CBLB: variants seen among roughly 807,000 people sequenced by gnomAD.
CBLB encodes E3 ubiquitin-protein ligase CBL-B.
In CBLB, 31 loss-of-function variants were observed where a neutral mutation model predicts 104.9. The ratio of observed to expected loss-of-function variants is 0.30; its 90% CI spans 0.22 to 0.40. The LOEUF is 0.40. Among genes scored for constraint, CBLB ranks in the 10% least tolerant of loss-of-function variants. The probability of loss-of-function intolerance (pLI) is 1.00; values close to 1 mark genes in which losing one functional copy is unlikely to be tolerated. For missense variants in CBLB, 1,062 were observed against 1,214.6 expected (o/e 0.87, Z 1.87); for synonymous variants, 440 against 422.6 (o/e 1.04, Z -0.51).
chr3:105,770,644 G>A (rs975890185), intron 4 of CBLB, among the ~76,000 whole-genome samples: 1 of 152,162 alleles, frequency 6.6e-6, no homozygotes, highest in African/African-American at 2.4e-5. Context: ...GCTGCAGACA[G>A]GAGCATAGGA....
rs2090624972 is a variant in CBLB, at chr3:105,849,049, A to T, written c.419+4365T>A. On this transcript the variant is annotated intron_variant, in intron 3 of 18. Transcript: ENST00000394030. ...ATGAGGCCACTCTGTAAATGAAAAC[A>T]TGCTAAGAAGACTCTTCTGTGTTCT... Among the ~76,000 whole-genome samples the T allele has an allele frequency of 2.0e-5, 3 of 152,188 alleles. No individual in the cohort carries two copies. In the South Asian group the frequency reaches 6.2e-4, roughly 31 times the overall value.
chr3:105,778,747 C>T (rs1045409182), intron 3 of CBLB, among the ~76,000 whole-genome samples: 9 of 152,036 alleles, frequency 5.9e-5, no homozygotes, highest in Non-Finnish European at 1.2e-4. Context: ...ACAACTCATC[C>T]TAATCCAAGT....
At chr3:105,861,882 T>C (rs755187463) in intron 2 of CBLB, among the ~76,000 whole-genome samples, 1 of 152,162 alleles carries the variant, frequency 6.6e-6, no homozygotes, top group Non-Finnish European at 1.5e-5. Flanking sequence ...AGGTCAATAA[T>C]GGCCTCTAAT....
At chr3:105,741,076 T>C (rs910680993) in intron 6 of CBLB, among the ~76,000 whole-genome samples, 4 of 147,856 alleles carry the variant, frequency 2.7e-5, no homozygotes, top group Admixed American at 2.0e-4. Flanking sequence ...TCCTTTGTAA[T>C]TTAGACATAA....
At chr3:105,739,706 T>C (rs1033670630) in intron 7 of CBLB, among the ~76,000 whole-genome samples, 1 of 152,086 alleles carries the variant, frequency 6.6e-6, no homozygotes, top group Non-Finnish European at 1.5e-5. Flanking sequence ...ATGGAGTTAT[T>C]ATTAGTGTGA....
At chr3:105,841,463 T>C (rs1442206727) in intron 3 of CBLB, among the ~76,000 whole-genome samples, 2 of 151,816 alleles carry the variant, frequency 1.3e-5, no homozygotes, top group Non-Finnish European at 2.9e-5. Context: ...GATATATATA[T>C]ATTTTTTGAG....
chr3:105,756,651 A>G (rs544281946), intron 4 of CBLB, among the ~76,000 whole-genome samples: 211 of 152,340 alleles, frequency 1.4e-3, no homozygotes, highest in Non-Finnish European at 2.6e-3. Context: ...AGAACAAAAA[A>G]GGTAATCTTC....
rs528664540 is a variant in CBLB, at chr3:105,741,728, C to G, written c.846-1097G>C. ...GTATTTTTAATAGAGACCACGTTAG[C>G]CAGGATGGTCTCGATATCCTGACCT... On this transcript the variant is annotated intron_variant, in intron 6 of 18. Transcript: ENST00000394030. Among the ~76,000 whole-genome samples, 143 of 151,998 alleles carry G rather than the reference C, an allele frequency of 9.4e-4. 1 individual carries two copies. The highest frequency in any genetic ancestry group is 3.4e-3 in the African/African-American group (142 of 41,462).
chr3:105,675,264 TCA>T (rs2065473833), intron 17 of CBLB, among the ~76,000 whole-genome samples: 1 of 152,202 alleles, frequency 6.6e-6, no homozygotes, highest in Admixed American at 6.5e-5. Context: ...GGTAAAATGC[TCA>T]CAGAGTTTGT....
intron 2 of CBLB, among the ~76,000 whole-genome samples, chr3:105,863,928 A>T (rs2092275862): frequency 6.6e-6 from 1 of 152,170 alleles, no homozygotes; most frequent in South Asian, 2.1e-4. Context: ...TTAGATGGAA[A>T]ATTGTTTCTT....
At chr3:105,731,672 C>G (rs942889286) in intron 9 of CBLB, among the ~76,000 whole-genome samples, 7 of 152,080 alleles carry the variant, frequency 4.6e-5, no homozygotes, top group Non-Finnish European at 8.8e-5. Context: ...AGGCTGTTCT[C>G]GAACTCCTGG....
intron 3 of CBLB, among the ~76,000 whole-genome samples, chr3:105,790,699 G>C (rs2081531360): frequency 6.6e-6 from 1 of 152,168 alleles, no homozygotes; most frequent in South Asian, 2.1e-4. Context: ...ACTAAAGAGA[G>C]GTGTTCAACT....
intron 10 of CBLB, among the ~76,000 whole-genome samples, chr3:105,708,358 T>C (rs1464936503): frequency 1.3e-5 from 2 of 152,072 alleles, no homozygotes; most frequent in Admixed American, 6.6e-5. Context: ...ACTACTTCCA[T>C]TGTGTATAAA....
chr3:105,780,472 C>G (rs2080057941), intron 3 of CBLB, among the ~76,000 whole-genome samples: 1 of 152,052 alleles, frequency 6.6e-6, no homozygotes, highest in Admixed American at 6.5e-5. Flanking sequence ...AAAGAAAAGA[C>G]TCAATAATCT....
chr3:105,738,445 T>C (rs16851549), intron 7 of CBLB, among the ~76,000 whole-genome samples: 2,707 of 152,086 alleles, frequency 0.018, 41 homozygotes, highest in Middle Eastern at 0.074. Context: ...GTTACAAAAT[T>C]TGACAAACAT....
intron 3 of CBLB, among the ~76,000 whole-genome samples, chr3:105,797,155 T>G (rs560968557): frequency 6.6e-6 from 1 of 152,326 alleles, no homozygotes; most frequent in Non-Finnish European, 1.5e-5. Context: ...TGCAGCATTA[T>G]TCACAATAGC....
chr3:105,800,811 AG>A lies in CBLB; in HGVS notation c.420-24270del, dbSNP rs548290456. Among the ~76,000 whole-genome samples the A allele has an allele frequency of 4.2e-3, 637 of 152,320 alleles. 1 individual carries two copies. Among genetic ancestry groups the A allele is most frequent in the Non-Finnish European group, 6.8e-3 (462 of 68,024 alleles). On this transcript the variant is annotated intron_variant, in intron 3 of 18. Transcript: ENST00000394030. ...TAGTAAATTACCACAGGAAGAAAGAAGGAACAAAGTGAAAAGACATACATAT... is the reference window on the plus strand; with the variant it reads ...TAGTAAATTACCACAGGAAGAAAGAAGAACAAAGTGAAAAGACATACATAT...
chr3:105,804,890 G>C (rs913396629), intron 3 of CBLB, among the ~76,000 whole-genome samples: 2 of 152,026 alleles, frequency 1.3e-5, no homozygotes, highest in African/African-American at 4.8e-5. Context: ...CACAGTGGGA[G>C]AGTATCCCAT....
rs763048686 is a variant in CBLB, at chr3:105,773,413, A to C, written c.566+2983T>G. Among the ~76,000 whole-genome samples the C allele has an allele frequency of 3.3e-5, 5 of 152,264 alleles. No individual in the cohort carries two copies. In the South Asian group the frequency reaches 6.2e-4, roughly 19 times the overall value. On this transcript the variant is annotated intron_variant, in intron 4 of 18. Coordinates refer to ENST00000394030, the MANE Select transcript of CBLB (RefSeq NM_170662.5). Reference sequence around the variant, plus strand: ...GAAGGGTGAGAGAGGGGTAAGGGATAAAAGACTACACTACATATTAGGTAC... The same window carrying C: ...GAAGGGTGAGAGAGGGGTAAGGGATCAAAGACTACACTACATATTAGGTAC...
Sources: allele counts gnomAD v4.1 joint callset (sites outside exome capture counted in the v4.1 genomes callset), GRCh38; gene constraint gnomAD v4.1.1; transcripts MANE v1.5; gene names NCBI Gene and HGNC (gene_info 2026-07-23, HGNC 2026-07-21).